The following C2CD3 variants were observed in gnomAD, a reference collection of about 807,000 sequenced individuals.
The protein encoded by C2CD3 is C2 domain containing 3 centriole elongation regulator.
In C2CD3, 148 loss-of-function variants were observed where a neutral mutation model predicts 234.0. That is an observed-to-expected ratio of 0.63 (90% confidence interval 0.55 to 0.72). C2CD3 has a LOEUF of 0.72. Among genes scored for constraint, C2CD3 ranks in the 30% least tolerant of loss-of-function variants. C2CD3 has a pLI of 0.00. For synonymous variants in C2CD3, 1,000 were observed against 1,035.4 expected, an observed-to-expected ratio of 0.97 and a Z score of 0.66; for missense variants, 2,577 against 2,811.5, an observed-to-expected ratio of 0.92 and a Z score of 1.89.
Position 74,133,443 on chromosome 11 carries a change from G to T in C2CD3, c.1070C>A (p.Ser357Tyr). 1 of 1,613,602 alleles carries T rather than the reference G, an allele frequency of 6.2e-7. No homozygotes were observed. Reference protein sequence around the residue: ...DQVHPPINEDSLRASTQIRAF... With the variant: ...DQVHPPINEDYLRASTQIRAF... Reference sequence around the variant, plus strand: ...AACTTACTGTGTTGATGCTCTAAGAGAATCTTCATTAATAGGAGGATGAAC... The same window carrying T: ...AACTTACTGTGTTGATGCTCTAAGATAATCTTCATTAATAGGAGGATGAAC... The change falls in exon 6 of 33, where the codon TCT (serine) becomes TAT (tyrosine). Residue 357 changes from serine (S) to tyrosine (Y), a missense_variant. Physicochemically the swap from Ser to Tyr is moderately radical, Grantham distance 144. Transcript: ENST00000334126.
intron 32 of C2CD3, among the ~76,000 whole-genome samples, chr11:74,016,205 AAGAC>A (rs964863851): frequency 8.5e-5 from 13 of 152,188 alleles, no homozygotes; most frequent in South Asian, 2.1e-4. Flanking sequence ...AGCTAGAGAG[AAGAC>A]AGACAATGAG....
chr11:74,066,067 A>G (rs1954515669), intron 24 of C2CD3, among the ~76,000 whole-genome samples: 1 of 148,730 alleles, frequency 6.7e-6, no homozygotes, highest in Non-Finnish European at 1.5e-5. Flanking sequence ...GTATAATAAA[A>G]AATAAAATAG....
At chr11:74,039,619 T>G (rs1952921939) in intron 29 of C2CD3, among the ~76,000 whole-genome samples, 1 of 152,188 alleles carries the variant, frequency 6.6e-6, no homozygotes, top group Non-Finnish European at 1.5e-5. Context: ...CCTAGGGCAG[T>G]GGTTTTCAAC....
At chr11:74,143,670 G>A (rs1016372690) in intron 3 of C2CD3, among the ~76,000 whole-genome samples, 2 of 151,348 alleles carry the variant, frequency 1.3e-5, no homozygotes, top group Admixed American at 1.3e-4. Context: ...ATGGGCACAC[G>A]CCACCATGCC....
At chr11:74,062,300 C>T (rs1370916617) in intron 24 of C2CD3, among the ~76,000 whole-genome samples, 2 of 152,180 alleles carry the variant, frequency 1.3e-5, no homozygotes, top group African/African-American at 2.4e-5. Flanking sequence ...GAACTCTCCA[C>T]CCCAAATCAA....
At chr11:74,086,796 T>C (rs933967341) in intron 20 of C2CD3, among the ~76,000 whole-genome samples, 2 of 152,246 alleles carry the variant, frequency 1.3e-5, no homozygotes, top group African/African-American at 4.8e-5. Flanking sequence ...CCCAAGGCGA[T>C]AGAGTTGACA....
chr11:74,081,538 G>A (rs1296305850), intron 22 of C2CD3, among the ~76,000 whole-genome samples: 1 of 152,146 alleles, frequency 6.6e-6, no homozygotes, highest in Non-Finnish European at 1.5e-5. Flanking sequence ...TTATCATGAA[G>A]CTCAAACAAG....
intron 7 of C2CD3, among the ~76,000 whole-genome samples, chr11:74,127,511 A>C (rs1407039103): frequency 6.6e-6 from 1 of 151,130 alleles, no homozygotes; most frequent in Non-Finnish European, 1.5e-5. Context: ...TATCCAGTTG[A>C]ATAATGCTGG....
intron 24 of C2CD3, among the ~76,000 whole-genome samples, chr11:74,062,300 C>A (rs1370916617): frequency 6.6e-6 from 1 of 152,180 alleles, no homozygotes; most frequent in African/African-American, 2.4e-5. Context: ...GAACTCTCCA[C>A]CCCAAATCAA....
chr11:74,138,908 C>G lies in C2CD3; in HGVS notation c.767G>C (p.Gly256Ala). Residue 256 changes from glycine to alanine, a missense_variant, in exon 5 of 33, where the codon GGA (glycine) becomes GCA (alanine). Gly to Ala is a moderately conservative substitution (Grantham distance 60). Transcript: ENST00000334126. The part of the protein sequence containing the change: ...NPDTIKDSSF[G>A]LQHSLNSGQS... ...TCCTGAATTAAGACTGTGCTGTAGT[C>G]CAAAGGAAGAATCCTTTATTGTATC... is the stretch of plus-strand genomic sequence containing the variant. The G allele has an allele frequency of 6.2e-6, 10 of 1,611,856 alleles. No homozygotes were observed. The highest frequency in any genetic ancestry group is 8.5e-6 in the Non-Finnish European group (10 of 1,177,994).
Position 74,095,233 on chromosome 11 carries a change from T to A in C2CD3, c.3155A>T (p.Glu1052Val). Residue 1052 changes from glutamate (E) to valine (V), a missense_variant, in exon 17 of 33, where the codon GAA (glutamate) becomes GTA (valine). By Grantham distance (121) the Glu-to-Val change is moderately radical. Coordinates refer to ENST00000334126, the MANE Select transcript of C2CD3 (RefSeq NM_001286577.2). ...AGCCTAATATCTAAACCTACCATTT[T>A]CAAGGAACTCAGGTCCTTTCAGCAC... ...SSVLKGPEFLENGITLKPFRT... is the reference protein window; with the variant it reads ...SSVLKGPEFLVNGITLKPFRT... The A allele has an allele frequency of 6.2e-7, 1 of 1,607,972 alleles. No individual in the cohort carries two copies. Among genetic ancestry groups the A allele is most frequent in the Non-Finnish European group, 8.5e-7 (1 of 1,176,680 alleles).
intron 31 of C2CD3, among the ~76,000 whole-genome samples, chr11:74,030,013 C>T (rs1952460388): frequency 6.6e-6 from 1 of 152,172 alleles, no homozygotes; most frequent in Non-Finnish European, 1.5e-5. Flanking sequence ...ACCTTGGCCT[C>T]CCAAAATGCT....
At chr11:74,146,725 C>T (rs1462681273) in intron 3 of C2CD3, among the ~76,000 whole-genome samples, 2 of 144,398 alleles carry the variant, frequency 1.4e-5, no homozygotes, top group African/African-American at 5.4e-5. Context: ...CACACACACA[C>T]ACACACACAC....
chr11:74,028,202 C>G, intron 32 of C2CD3, 85 bp downstream of exon 32: 4 of 963,696 alleles, frequency 4.2e-6, no homozygotes, highest in Non-Finnish European at 4.6e-6. Flanking sequence ...AGGAAGATGA[C>G]CTGGGGCAGC....
chr11:74,080,430 T>C (rs1199158427), intron 22 of C2CD3, among the ~76,000 whole-genome samples: 1 of 152,174 alleles, frequency 6.6e-6, no homozygotes, highest in Non-Finnish European at 1.5e-5. Context: ...TAATGGTTCT[T>C]AACATTTTTT....
chr11:74,089,594 G>GGAGC (rs1346321219), intron 20 of C2CD3, among the ~76,000 whole-genome samples: 2 of 152,182 alleles, frequency 1.3e-5, no homozygotes, highest in African/African-American at 4.8e-5. Flanking sequence ...AAAAAGTTAG[G>GGAGC]GAGCACTTGT....
At chr11:74,101,852 T>A (rs957111731) in intron 14 of C2CD3, among the ~76,000 whole-genome samples, 1 of 152,076 alleles carries the variant, frequency 6.6e-6, no homozygotes, top group Non-Finnish European at 1.5e-5. Context: ...TACAGTCAGT[T>A]TTCAAAGGGT....
chr11:74,106,214 C>G (rs1956510487), intron 13 of C2CD3, among the ~76,000 whole-genome samples, 157 bp downstream of exon 13: 1 of 152,150 alleles, frequency 6.6e-6, no homozygotes, highest in South Asian at 2.1e-4. Flanking sequence ...CACATCATAC[C>G]ATTTATTTCC....
At chr11:74,093,775 AC>A (rs1343156446) in intron 18 of C2CD3, 40 bp downstream of exon 18, 31 of 1,538,698 alleles carry the variant, frequency 2.0e-5, no homozygotes, top group Non-Finnish European at 2.7e-5. Flanking sequence ...ATGATTGTGC[AC>A]TTCCTTCCTA....
Sources: allele counts gnomAD v4.1 joint callset (sites outside exome capture counted in the v4.1 genomes callset), GRCh38; gene constraint gnomAD v4.1.1; transcripts MANE v1.5; gene names NCBI Gene and HGNC (gene_info 2026-07-23, HGNC 2026-07-21).